Variants in IL1RAPL1 observed in about 807,000 individuals in gnomAD.
The protein encoded by IL1RAPL1 is interleukin 1 receptor accessory protein like 1, also known as interleukin-1 receptor accessory protein-like 1.
In IL1RAPL1, 3 loss-of-function variants were observed where a neutral mutation model predicts 48.4. That is an observed-to-expected ratio of 0.06 (90% CI 0.03 to 0.16). The LOEUF is 0.16. IL1RAPL1 is among the 10% of genes least tolerant of loss of function. IL1RAPL1 has a pLI of 1.00. For synonymous variants in IL1RAPL1, 185 were observed against 187.7 expected, an observed-to-expected ratio of 0.99 and a Z score of 0.12; for missense variants, 349 against 530.6, an observed-to-expected ratio of 0.66 and a Z score of 3.36.
At chrX:29,555,397 C>T (rs908587310) in intron 5 of IL1RAPL1, among the ~76,000 whole-genome samples, 1 of 112,222 alleles carries the variant, frequency 8.9e-6, no homozygotes, top group Non-Finnish European at 1.9e-5. Flanking sequence ...TGATGCCTCA[C>T]TGATACATCC....
chrX:28,971,240 C>T (rs1449054497), intron 2 of IL1RAPL1, among the ~76,000 whole-genome samples: 2 of 111,903 alleles, frequency 1.8e-5, no homozygotes, highest in South Asian at 7.4e-4. Context: ...TGTTTTTCCC[C>T]TACCCCATTG....
At chrX:29,683,608 A>G (rs191119052) in intron 6 of IL1RAPL1, among the ~76,000 whole-genome samples, 95 of 112,465 alleles carry the variant, frequency 8.4e-4, no homozygotes, top group African/African-American at 2.3e-3. Flanking sequence ...ACTTCTATAC[A>G]TTAGTGTATT....
intron 2 of IL1RAPL1, among the ~76,000 whole-genome samples, chrX:29,122,121 A>G (rs757258233): frequency 2.7e-5 from 3 of 110,942 alleles, no homozygotes; most frequent in African/African-American, 9.8e-5. Context: ...TTATCTTTAA[A>G]TTTAACTAGA....
intron 2 of IL1RAPL1, among the ~76,000 whole-genome samples, chrX:28,996,317 C>T (rs114813418): frequency 9.0e-6 from 1 of 111,703 alleles, no homozygotes; most frequent in South Asian, 3.7e-4. Flanking sequence ...TTCCACACAT[C>T]GTCCATTATA....
intron 5 of IL1RAPL1, among the ~76,000 whole-genome samples, chrX:29,495,475 C>T (rs1212209710): frequency 9.0e-6 from 1 of 111,514 alleles, no homozygotes; most frequent in East Asian, 2.8e-4. Context: ...CTAATCTCAG[C>T]TAATGGGACT....
chrX:29,669,159 C>G (rs900446069), intron 6 of IL1RAPL1, among the ~76,000 whole-genome samples: 1 of 111,235 alleles, frequency 9.0e-6, no homozygotes, highest in Non-Finnish European at 1.9e-5. Context: ...TTCAGTTATA[C>G]TAAATTATGA....
chrX:29,334,103 C>T (rs1267057726), intron 3 of IL1RAPL1, among the ~76,000 whole-genome samples: 4 of 82,311 alleles, frequency 4.9e-5, no homozygotes, highest in Admixed American at 1.1e-4. Flanking sequence ...CCGGACGGGG[C>T]GGCTGGCCGG....
At chrX:29,909,601 T>C (rs182695260) in intron 6 of IL1RAPL1, among the ~76,000 whole-genome samples, 2 of 111,813 alleles carry the variant, frequency 1.8e-5, no homozygotes, top group Admixed American at 1.9e-4. Context: ...GAAATATCTC[T>C]ACAATAAAAA....
At chrX:29,335,024 G>T (rs1275817173) in intron 3 of IL1RAPL1, among the ~76,000 whole-genome samples, 1 of 111,237 alleles carries the variant, frequency 9.0e-6, no homozygotes, top group Non-Finnish European at 1.9e-5. Flanking sequence ...CTGCAATCCC[G>T]GCACCTCGGG....
chrX:29,402,447 G>C (rs1934006165), intron 5 of IL1RAPL1, among the ~76,000 whole-genome samples: 1 of 111,721 alleles, frequency 9.0e-6, no homozygotes, highest in Non-Finnish European at 1.9e-5. Flanking sequence ...ATTTTCATAA[G>C]AATGTGAGCA....
intron 1 of IL1RAPL1, among the ~76,000 whole-genome samples, chrX:28,669,700 A>C (rs1304641251): frequency 1.9e-5 from 2 of 104,160 alleles, no homozygotes; most frequent in East Asian, 5.8e-4. Flanking sequence ...TTTATATATA[A>C]ATTATATATA....
chrX:29,143,164 C>T (rs73210091), intron 2 of IL1RAPL1, among the ~76,000 whole-genome samples: 1,631 of 111,181 alleles, frequency 0.015, 19 homozygotes, highest in Non-Finnish European at 0.021. Context: ...CTGTATGAGA[C>T]GGAAACATGG....
chrX:29,818,353 C>T (rs1035398371), intron 6 of IL1RAPL1, among the ~76,000 whole-genome samples: 6 of 111,588 alleles, frequency 5.4e-5, no homozygotes, highest in African/African-American at 1.6e-4. Context: ...TGGCCCGAGG[C>T]GAAAATAATG....
intron 1 of IL1RAPL1, among the ~76,000 whole-genome samples, chrX:28,700,785 C>G: frequency 9.0e-6 from 1 of 110,782 alleles, no homozygotes. Context: ...TTCCCACTTA[C>G]GAGTGAGAAC....
chrX:28,598,051 AAAG>A (rs1484860009), intron 1 of IL1RAPL1, among the ~76,000 whole-genome samples: 1 of 112,398 alleles, frequency 8.9e-6, no homozygotes, highest in Non-Finnish European at 1.9e-5. Flanking sequence ...AACTGGGAAA[AAAG>A]AAAAAAGGAA....
chrX:29,678,145 A>C (rs920981548), intron 6 of IL1RAPL1, among the ~76,000 whole-genome samples: 1 of 110,590 alleles, frequency 9.0e-6, no homozygotes, highest in African/African-American at 3.3e-5. Context: ...ATATAAAAGT[A>C]TGTACAATGC....
intron 6 of IL1RAPL1, among the ~76,000 whole-genome samples, chrX:29,679,845 CTA>C (rs1926398288): frequency 9.0e-6 from 1 of 111,563 alleles, no homozygotes; most frequent in African/African-American, 3.3e-5. Flanking sequence ...ACATCGGTGA[CTA>C]TTATGAAAGA....
chrX:29,438,242 C>T (rs1381260600), intron 5 of IL1RAPL1, among the ~76,000 whole-genome samples: 2 of 111,138 alleles, frequency 1.8e-5, no homozygotes, highest in African/African-American at 3.3e-5. Context: ...TTTCATTCTT[C>T]GTATTGGTAA....
At chrX:29,457,156 T>G (rs2147731068) in intron 5 of IL1RAPL1, among the ~76,000 whole-genome samples, 1 of 106,355 alleles carries the variant, frequency 9.4e-6, no homozygotes, top group South Asian at 4.3e-4. Context: ...AATGAAATAG[T>G]AATGTATACC....
Sources: allele counts gnomAD v4.1 joint callset (sites outside exome capture counted in the v4.1 genomes callset), GRCh38; gene constraint gnomAD v4.1.1; transcripts MANE v1.5; gene names NCBI Gene and HGNC (gene_info 2026-07-23, HGNC 2026-07-21).